Variants in CCND3 observed in about 807,000 individuals in gnomAD.
The protein encoded by CCND3 is cyclin D3, also known as G1/S-specific cyclin-D3.
A neutral mutation model predicts 28.7 loss-of-function variants in CCND3; 9 were observed. The ratio of observed to expected loss-of-function variants is 0.31; its 90% CI spans 0.19 to 0.55. The LOEUF (loss-of-function observed/expected upper bound fraction) is 0.55, where lower values mean the gene tolerates loss of function less well. Among genes scored for constraint, CCND3 ranks in the 20% least tolerant of loss-of-function variants. CCND3 has a pLI of 0.93. For missense variants in CCND3, 315 were observed against 385.8 expected, an observed-to-expected ratio of 0.82 and a Z score of 1.54; for synonymous variants, 164 against 163.9, an observed-to-expected ratio of 1.00 and a Z score of 0.00.
At chr6:41,959,561 G>C (rs760011870) in intron 1 of CCND3, among the ~76,000 whole-genome samples, 9 of 151,772 alleles carry the variant, frequency 5.9e-5, no homozygotes, top group Non-Finnish European at 1.3e-4. Flanking sequence ...GTGTGTGCCT[G>C]TAATCCCAGC....
chr6:41,936,504 GGCATAGCACTACTTTATGA>G lies in CCND3; in HGVS notation c.711+36_711+54del, dbSNP rs766628880. 5.6e-6 allele frequency: 9 copies of G among 1,599,698 alleles called. No individual in the cohort carries two copies. ...AGGTTTCCCTCTACTGGAGGCTCAG[GGCATAGCACTACTTTATGA>G]ATGGAGAGGCTGCTGCCCAGCTACC... On this transcript the variant is annotated intron_variant, in intron 4 of 4. Transcript: ENST00000372991. This position sits in a 1 kb window ranked among gnomAD's most constrained non-coding sequence, Gnocchi z 4.4.
At chr6:42,014,885 A>G (rs1314048141) in intron 1 of CCND3, among the ~76,000 whole-genome samples, 1 of 152,226 alleles carries the variant, frequency 6.6e-6, no homozygotes, top group African/African-American at 2.4e-5. Context: ...AAGTATTTCC[A>G]ACATATATAC....
At chr6:41,974,792 C>CT (rs762947208) in intron 1 of CCND3, among the ~76,000 whole-genome samples, 19,114 of 125,680 alleles carry the variant, frequency 0.15, 2,122 homozygotes, top group African/African-American at 0.22. Context: ...CCCCACAGTT[C>CT]TTTTTTTTTT....
Position 41,939,349 on chromosome 6 carries a change from C to T in CCND3, c.414+1021G>A, listed in dbSNP as rs1295157689. Reference sequence around the variant, plus strand: ...CTCAGGGTCAGCAGAAGACTTGGCCCGCCACAGAGCAAGGTGGAGGAAGGT... The same window carrying T: ...CTCAGGGTCAGCAGAAGACTTGGCCTGCCACAGAGCAAGGTGGAGGAAGGT... On this transcript the variant is annotated intron_variant, in intron 2 of 4. Coordinates refer to ENST00000372991, the MANE Select transcript of CCND3 (RefSeq NM_001760.5). This position sits in a 1 kb window ranked among gnomAD's most constrained non-coding sequence, Gnocchi z 4.2. 1.3e-5 allele frequency among the ~76,000 whole-genome samples: 2 copies of T among 152,122 alleles called. No individual in the cohort carries two copies. Among genetic ancestry groups the T allele is most frequent in the Non-Finnish European group, 2.9e-5 (2 of 68,006 alleles).
At chr6:41,969,558 A>G (rs929583734) in intron 1 of CCND3, among the ~76,000 whole-genome samples, 8 of 151,916 alleles carry the variant, frequency 5.3e-5, no homozygotes, top group Non-Finnish European at 1.0e-4. Flanking sequence ...CAACACGGTG[A>G]AACCCCGTCT....
intron 1 of CCND3, among the ~76,000 whole-genome samples, chr6:42,026,718 T>C (rs1283483916): frequency 1.3e-5 from 2 of 152,120 alleles, no homozygotes; most frequent in East Asian, 3.9e-4. Context: ...TGGCATGTGA[T>C]CAGCTGGTGA....
At chr6:42,044,844 G>A (rs968202583) in intron 1 of CCND3, among the ~76,000 whole-genome samples, 69 of 149,968 alleles carry the variant, frequency 4.6e-4, no homozygotes, top group African/African-American at 1.6e-3. Context: ...GCTGGAGTGC[G>A]ATGGCGTGAT....
At chr6:42,001,982 G>T (rs913600291) in intron 1 of CCND3, among the ~76,000 whole-genome samples, 7 of 151,666 alleles carry the variant, frequency 4.6e-5, no homozygotes, top group Non-Finnish European at 7.4e-5. Flanking sequence ...AGTCGTGGTG[G>T]TGCATGCTTG....
At chr6:41,958,085 C>T (rs1234994670) in intron 1 of CCND3, among the ~76,000 whole-genome samples, 9 of 149,774 alleles carry the variant, frequency 6.0e-5, no homozygotes, top group African/African-American at 2.2e-4. Flanking sequence ...GCAACCTCCA[C>T]CTCCTGGGTT....
intron 1 of CCND3, among the ~76,000 whole-genome samples, chr6:41,987,517 CTG>C (rs139188810): frequency 1.7e-4 from 10 of 60,304 alleles, no homozygotes; most frequent in African/African-American, 8.9e-4. Context: ...CTCTCTCTCT[CTG>C]TGTGTGTGTG....
intron 1 of CCND3, among the ~76,000 whole-genome samples, chr6:41,961,822 C>A (rs1033248687): frequency 2.6e-5 from 4 of 152,186 alleles, no homozygotes; most frequent in Admixed American, 6.5e-5. Flanking sequence ...AATCCTGTCC[C>A]TGTCCCTTCT....
chr6:42,030,375 C>A (rs963591746), intron 1 of CCND3, among the ~76,000 whole-genome samples: 1 of 152,070 alleles, frequency 6.6e-6, no homozygotes, highest in Non-Finnish European at 1.5e-5. Flanking sequence ...AAATATGGAG[C>A]CTTCTGGTTG....
chr6:42,027,734 T>A (rs567345462), intron 1 of CCND3, among the ~76,000 whole-genome samples: 1 of 149,826 alleles, frequency 6.7e-6, no homozygotes, highest in African/African-American at 2.4e-5. Flanking sequence ...TAAGCCTCAG[T>A]TTTTTTTGTT....
At chr6:41,960,935 G>A (rs1761700485) in intron 1 of CCND3, among the ~76,000 whole-genome samples, 1 of 152,118 alleles carries the variant, frequency 6.6e-6, no homozygotes, top group African/African-American at 2.4e-5. Flanking sequence ...AAGCTTCCTG[G>A]AGAATAATGG....
At position 41,954,250 on chromosome 6, in the gene CCND3, T is replaced by TAAA. The variant is rs34556754; in HGVS notation, c.-45-13668_-45-13666dup. On this transcript the variant is annotated intron_variant, in intron 1 of 4. Transcript: ENST00000372988. Reference sequence around the variant, plus strand: ...TGGGGTACAGAGCAAGATTCTGCCTTAAAAAAAAAAAAAAAAAAAAAAAAA... The same window carrying TAAA: ...TGGGGTACAGAGCAAGATTCTGCCTTAAAAAAAAAAAAAAAAAAAAAAAAAAAA... Among the ~76,000 whole-genome samples, 122 of 35,146 alleles carry TAAA rather than the reference T, an allele frequency of 3.5e-3. 8 individuals are homozygous for TAAA. The highest frequency in any genetic ancestry group is 7.5e-3 in the African/African-American group (58 of 7,740). The allele number at this position is 35,146 out of a possible 152,430, so 23.1% of individuals were successfully genotyped here. A position where few individuals can be genotyped will look rare whatever the true frequency, so the allele number is the denominator to read the frequency against.
rs553505208 is a variant in CCND3, at chr6:42,040,074, G to A, written c.-46+8427C>T. ...CCAGTGTAATCTCACACTTGCCCTG[G>A]TAGGTGGATACACATGTGCACACAC... On this transcript the variant is annotated intron_variant, in intron 1 of 4. Transcript: ENST00000372988. Among the ~76,000 whole-genome samples the A allele has an allele frequency of 2.6e-5, 4 of 152,334 alleles. No homozygotes were observed. In the South Asian group the frequency reaches 6.2e-4, roughly 24 times the overall value.
chr6:42,015,680 G>T (rs796312427), intron 1 of CCND3, among the ~76,000 whole-genome samples: 2 of 151,256 alleles, frequency 1.3e-5, no homozygotes, highest in South Asian at 2.1e-4. Context: ...ACTGCACTCC[G>T]GCCTGGGCAA....
At chr6:41,972,240 A>AAAAAAAAGAAAAG (rs1554162050) in intron 1 of CCND3, among the ~76,000 whole-genome samples, 3 of 99,758 alleles carry the variant, frequency 3.0e-5, no homozygotes, top group African/African-American at 1.2e-4. Context: ...AAAAAAAAAA[A>AAAAAAAAGAAAAG]AAAAGAAAAG....
At chr6:41,945,776 T>C (rs559236399), upstream of CCND3, among the ~76,000 whole-genome samples, 27 of 152,280 alleles carry the variant, frequency 1.8e-4, no homozygotes, top group African/African-American at 6.5e-4. Flanking sequence ...TTTTATCCAG[T>C]GGGGATAATA....
Sources: gnomAD v4.1 joint callset for allele counts (sites outside exome capture counted in the v4.1 genomes callset) on GRCh38, gnomAD v4.1.1 for gene constraint, Gnocchi (gnomAD v3.1) non-coding constraint, MANE v1.5 for transcripts, NCBI Gene and HGNC (gene_info 2026-07-23, HGNC 2026-07-21) for gene names.